PGM5: variants seen among roughly 807,000 people sequenced by gnomAD.
PGM5 encodes phosphoglucomutase 5, also known as phosphoglucomutase-like protein 5.
In PGM5, 23 loss-of-function variants were observed where a neutral mutation model predicts 59.2. The ratio of observed to expected loss-of-function variants is 0.39; its 90% CI spans 0.28 to 0.55. PGM5 has a LOEUF of 0.55. PGM5 is among the 20% of genes least tolerant of loss of function. The pLI is 0.66. For missense variants in PGM5, 574 were observed against 748.3 expected (o/e 0.77, Z 2.72); for synonymous variants, 214 against 286.0 (o/e 0.75, Z 2.54).
chr9:68,452,929 A>C (rs76547235), intron 6 of PGM5, among the ~76,000 whole-genome samples: 2 of 152,352 alleles, frequency 1.3e-5, no homozygotes, highest in East Asian at 1.9e-4. Flanking sequence ...AGCATTTAAC[A>C]TAGTCCTTCT....
chr9:68,419,719 GC>G (rs1823096500), intron 6 of PGM5, among the ~76,000 whole-genome samples: 1 of 152,194 alleles, frequency 6.6e-6, no homozygotes, highest in African/African-American at 2.4e-5. Context: ...TTATCTCAGA[GC>G]CAAGACAGAA....
At chr9:68,449,533 A>G (rs1003311825) in intron 6 of PGM5, among the ~76,000 whole-genome samples, 1 of 152,162 alleles carries the variant, frequency 6.6e-6, no homozygotes, top group African/African-American at 2.4e-5. Flanking sequence ...AGAGCTTTCA[A>G]CTCACACAGG....
chr9:68,370,200 A>C (rs1421184148), intron 1 of PGM5, among the ~76,000 whole-genome samples: 2 of 152,206 alleles, frequency 1.3e-5, no homozygotes, highest in African/African-American at 2.4e-5. Flanking sequence ...ACTCTCTCCA[A>C]TTCACTTGGG....
intron 10 of PGM5, among the ~76,000 whole-genome samples, chr9:68,523,668 C>A (rs1824930616): frequency 6.6e-6 from 1 of 152,078 alleles, no homozygotes; most frequent in African/African-American, 2.4e-5. Context: ...GATGACCTAC[C>A]TGCATTTCTG....
chr9:68,499,453 C>G lies in PGM5; in HGVS notation c.1614+92C>G, dbSNP rs544322808. The G allele has an allele frequency of 4.3e-4, 550 of 1,287,362 alleles. 9 individuals carry two copies. The South Asian group carries it at 7.3e-3, about 17-fold the overall frequency. The allele number at this position is 1,287,362 out of a possible 1,614,324, so 79.7% of individuals were successfully genotyped here. A position where few individuals can be genotyped will look rare whatever the true frequency, so the allele number is the denominator to read the frequency against. On this transcript the variant is annotated intron_variant, in intron 10 of 10. Transcript: ENST00000396396. ...GGCCTTTAGTGGGGCTATTTTACCT[C>G]CTGGAAAGGTACATGATAATTTCAG...
intron 6 of PGM5, among the ~76,000 whole-genome samples, chr9:68,407,393 A>G (rs1422889305): frequency 1.3e-5 from 2 of 152,146 alleles, no homozygotes; most frequent in African/African-American, 4.8e-5. Context: ...TCGGCCTCTC[A>G]AAGTGCTGGG....
At chr9:68,485,805 G>T (rs1824285002) in intron 9 of PGM5, among the ~76,000 whole-genome samples, 1 of 152,218 alleles carries the variant, frequency 6.6e-6, no homozygotes, top group African/African-American at 2.4e-5. Context: ...GGACCCAGGT[G>T]ATATCTTCAT....
intron 9 of PGM5, among the ~76,000 whole-genome samples, chr9:68,495,401 G>A (rs1213316487): frequency 6.6e-6 from 1 of 152,166 alleles, no homozygotes; most frequent in Admixed American, 6.5e-5. Flanking sequence ...CAGCCATATC[G>A]AAAAGGGAAA....
chr9:68,475,983 T>G (rs2132087007), intron 7 of PGM5, among the ~76,000 whole-genome samples: 1 of 152,338 alleles, frequency 6.6e-6, no homozygotes, highest in East Asian at 1.9e-4. Context: ...ATTGAACCCC[T>G]GTACTCCAGC....
chr9:68,462,830 T>C (rs1436811013), intron 6 of PGM5, among the ~76,000 whole-genome samples: 1 of 152,144 alleles, frequency 6.6e-6, no homozygotes, highest in African/African-American at 2.4e-5. Context: ...ACTTATTCTC[T>C]CTTCCTTGAG....
chr9:68,466,492 C>T (rs1371097029), intron 7 of PGM5: 5 of 168,416 alleles, frequency 3.0e-5, no homozygotes, highest in Non-Finnish European at 5.1e-5. Flanking sequence ...TTTGGGTTTT[C>T]CTGTTTTTTG....
At chr9:68,433,434 A>AT (rs1232993922) in intron 6 of PGM5, among the ~76,000 whole-genome samples, 2 of 152,080 alleles carry the variant, frequency 1.3e-5, no homozygotes, top group Non-Finnish European at 2.9e-5. Context: ...AGCGGAGCTA[A>AT]TTTTTTTTCT....
chr9:68,459,639 A>G (rs1453823551), intron 6 of PGM5, among the ~76,000 whole-genome samples: 2 of 152,196 alleles, frequency 1.3e-5, no homozygotes, highest in Non-Finnish European at 2.9e-5. Context: ...ACAGTACATT[A>G]GGGCTCCACA....
At chr9:68,492,428 G>A (rs1824407966) in intron 9 of PGM5, among the ~76,000 whole-genome samples, 1 of 152,186 alleles carries the variant, frequency 6.6e-6, no homozygotes, top group African/African-American at 2.4e-5. Context: ...CGTGTAAGGA[G>A]TCACTTGACC....
chr9:68,455,474 A>T (rs1026188168), intron 6 of PGM5, among the ~76,000 whole-genome samples: 23 of 151,712 alleles, frequency 1.5e-4, no homozygotes, highest in African/African-American at 5.1e-4. Context: ...AAATGTTCAT[A>T]GTACACAAAG....
chr9:68,376,777 CTT>C (rs1423575766), intron 1 of PGM5, among the ~76,000 whole-genome samples: 1 of 74,930 alleles, frequency 1.3e-5, no homozygotes, highest in African/African-American at 5.4e-5. Flanking sequence ...TTCTTTCTTT[CTT>C]TCTTTCTTTC....
At chr9:68,406,722 A>ATATATATATG (rs1822826704) in intron 6 of PGM5, among the ~76,000 whole-genome samples, 4 of 88,492 alleles carry the variant, frequency 4.5e-5, no homozygotes, top group Non-Finnish European at 8.6e-5. Context: ...ATATATATAT[A>ATATATATATG]TATGTATATA....
chr9:68,482,351 G>C (rs1456592868), intron 8 of PGM5, among the ~76,000 whole-genome samples: 2 of 152,046 alleles, frequency 1.3e-5, no homozygotes, highest in East Asian at 3.9e-4. Context: ...TGCAGTCTCA[G>C]AATATATGCC....
chr9:68,503,524 C>A (rs1824610398), intron 10 of PGM5, among the ~76,000 whole-genome samples: 1 of 152,168 alleles, frequency 6.6e-6, no homozygotes, highest in African/African-American at 2.4e-5. Context: ...TCGATCCAGC[C>A]AAAGTTGGGG....
Sources: gnomAD v4.1 joint callset for allele counts (sites outside exome capture counted in the v4.1 genomes callset) on GRCh38, gnomAD v4.1.1 for gene constraint, MANE v1.5 for transcripts, NCBI Gene and HGNC (gene_info 2026-07-23, HGNC 2026-07-21) for gene names.